SUDS3: variants seen among roughly 807,000 people sequenced by gnomAD.
SUDS3 encodes sin3 histone deacetylase corepressor complex component SDS3.
Under a neutral mutation model 53.5 loss-of-function variants are expected in SUDS3, and 23 were observed. That is an observed-to-expected ratio of 0.43 (90% confidence interval 0.31 to 0.61). SUDS3 has a LOEUF of 0.61. Among genes scored for constraint, SUDS3 ranks in the 20% least tolerant of loss-of-function variants. The pLI is 0.10. For missense variants in SUDS3, 291 were observed against 405.9 expected (o/e 0.72, Z 2.43); for synonymous variants, 150 against 148.5 (o/e 1.01, Z -0.08).
intron 2 of SUDS3, among the ~76,000 whole-genome samples, chr12:118,381,574 C>T (rs1316399229): frequency 2.0e-5 from 3 of 152,006 alleles, no homozygotes; most frequent in Non-Finnish European, 4.4e-5. Flanking sequence ...TTAATAGAGA[C>T]GGGGTTTCTC....
intron 6 of SUDS3, among the ~76,000 whole-genome samples, chr12:118,395,137 G>C (rs1328075049): frequency 6.6e-6 from 1 of 151,676 alleles, no homozygotes; most frequent in African/African-American, 2.4e-5. Flanking sequence ...AGGGAGAATG[G>C]AAGAGGTGAC....
At chr12:118,408,717 A>G (rs2046331249) in intron 10 of SUDS3, among the ~76,000 whole-genome samples, 1 of 151,542 alleles carries the variant, frequency 6.6e-6, no homozygotes, top group African/African-American at 2.4e-5. Context: ...CTACCAGTAT[A>G]TGGAGCATGT....
chr12:118,379,351 C>T (rs1352618243), intron 1 of SUDS3, among the ~76,000 whole-genome samples: 3 of 152,082 alleles, frequency 2.0e-5, no homozygotes, highest in Admixed American at 6.5e-5. Context: ...GCAGGAGAAT[C>T]GCTTGAACCC....
intron 6 of SUDS3, among the ~76,000 whole-genome samples, chr12:118,395,730 C>A (rs972903975): frequency 6.6e-6 from 1 of 152,090 alleles, no homozygotes; most frequent in African/African-American, 2.4e-5. Context: ...CTAGCTCTGT[C>A]ACCCAGGCTG....
intron 6 of SUDS3, among the ~76,000 whole-genome samples, chr12:118,396,901 G>A (rs531672164): frequency 3.9e-4 from 60 of 152,292 alleles, no homozygotes; most frequent in African/African-American, 1.3e-3. Flanking sequence ...GTGGTGAGGG[G>A]TGAGGGGGTT....
intron 4 of SUDS3, among the ~76,000 whole-genome samples, chr12:118,388,086 C>T (rs2141367469): frequency 6.6e-6 from 1 of 152,350 alleles, no homozygotes; most frequent in Admixed American, 6.5e-5. Context: ...CTGTCTGGCC[C>T]ACTTGTGCAT....
chr12:118,395,754 C>T (rs564611948), intron 6 of SUDS3, among the ~76,000 whole-genome samples: 2 of 152,056 alleles, frequency 1.3e-5, no homozygotes, highest in East Asian at 1.9e-4. Context: ...TGCAGTGCCA[C>T]GGTCTTGGCT....
At chr12:118,383,796 A>G (rs1167915401) in intron 2 of SUDS3, among the ~76,000 whole-genome samples, 1 of 152,198 alleles carries the variant, frequency 6.6e-6, no homozygotes, top group African/African-American at 2.4e-5. Flanking sequence ...ACAAAATTAG[A>G]ATAAGATTGA....
chr12:118,408,709 A>C (rs2046331148), intron 10 of SUDS3, among the ~76,000 whole-genome samples: 1 of 150,866 alleles, frequency 6.6e-6, no homozygotes, highest in Non-Finnish European at 1.5e-5. Context: ...TTTTTTACCT[A>C]CCAGTATATG....
chr12:118,412,019 C>T (rs777406202), intron 11 of SUDS3, among the ~76,000 whole-genome samples: 13 of 152,198 alleles, frequency 8.5e-5, no homozygotes, highest in African/African-American at 1.7e-4. Flanking sequence ...ACTTGCCTGC[C>T]GTCTTTCCTA....
In SUDS3 at chr12:118,414,569, T is replaced by A; in HGVS notation, c.*136T>A. On this transcript the variant is annotated 3_prime_UTR_variant, in exon 12 of 12. Coordinates refer to ENST00000543473, the MANE Select transcript of SUDS3 (RefSeq NM_022491.3). ...GCCTTGGAAATGGAGAGCACTGCAG[T>A]GAATTCTTTAGGGCACTTTTGTGGC... 1.4e-6 allele frequency: 1 copy of A among 691,576 alleles called. No homozygotes were observed. The highest frequency in any genetic ancestry group is 2.3e-6 in the Non-Finnish European group (1 of 440,008). The allele number at this position is 691,576 out of a possible 1,614,324, so 42.8% of individuals were successfully genotyped here.
chr12:118,384,144 T>G (rs1261728885), intron 3 of SUDS3, 77 bp downstream of exon 3: 4 of 1,418,836 alleles, frequency 2.8e-6, no homozygotes, highest in Non-Finnish European at 3.9e-6. Flanking sequence ...TGTATTTCAC[T>G]TCTCTGTGGG....
intron 3 of SUDS3, among the ~76,000 whole-genome samples, chr12:118,385,407 C>A (rs2046106092): frequency 6.6e-6 from 1 of 152,236 alleles, no homozygotes; most frequent in South Asian, 2.1e-4. Context: ...CCATGCCCAG[C>A]CTGATACTGC....
At chr12:118,396,671 C>T (rs753262843) in intron 6 of SUDS3, among the ~76,000 whole-genome samples, 5 of 152,150 alleles carry the variant, frequency 3.3e-5, no homozygotes, top group African/African-American at 7.2e-5. Context: ...CTTTTCCTGC[C>T]GTTGTACACT....
intron 4 of SUDS3, among the ~76,000 whole-genome samples, chr12:118,389,140 C>T (rs1167250855): frequency 2.0e-5 from 3 of 152,044 alleles, no homozygotes; most frequent in African/African-American, 7.2e-5. Context: ...CAGAGCCAGA[C>T]TCTGTCTCAA....
chr12:118,400,608 C>G (rs1255075044), intron 6 of SUDS3, 51 bp from the exon 7 acceptor site: 3 of 1,553,514 alleles, frequency 1.9e-6, no homozygotes, highest in African/African-American at 2.7e-5. Context: ...GAAATTCTTA[C>G]TGACTTCAAG....
At position 118,417,712 on chromosome 12, in the gene SUDS3, C is replaced by A; in HGVS notation, c.*3279C>A. On this transcript the variant is annotated 3_prime_UTR_variant, in exon 12 of 12. Transcript: ENST00000543473. ...TTTTTTAAAGAAAACAATAAACTTT[C>A]AAAGAGAAAACCAGCATGAAGTCTG... 1 of 148,602 alleles carries A rather than the reference C, an allele frequency of 6.7e-6. No individual in the cohort carries two copies. Among genetic ancestry groups the A allele is most frequent in the Admixed American group, 6.7e-5 (1 of 14,926 alleles). The allele number at this position is 148,602 out of a possible 1,614,324, so 9.2% of individuals were successfully genotyped here. A position where few individuals can be genotyped will look rare whatever the true frequency, so the allele number is the denominator to read the frequency against.
chr12:118,386,932 A>G (rs955023169), intron 4 of SUDS3, among the ~76,000 whole-genome samples: 1 of 152,208 alleles, frequency 6.6e-6, no homozygotes, highest in African/African-American at 2.4e-5. Context: ...AACGCTCATC[A>G]TCAGCCAGCA....
intron 4 of SUDS3, 41 bp from the exon 5 acceptor site, chr12:118,389,886 C>T (rs977638572): frequency 1.9e-6 from 3 of 1,613,598 alleles, no homozygotes; most frequent in Admixed American, 3.3e-5. Flanking sequence ...AGAAAGGTGG[C>T]ACAGCCTAGC....
Sources: allele counts gnomAD v4.1 joint callset (sites outside exome capture counted in the v4.1 genomes callset), GRCh38; gene constraint gnomAD v4.1.1; transcripts MANE v1.5; gene names NCBI Gene and HGNC (gene_info 2026-07-23, HGNC 2026-07-21).